The following PES1 variants were observed in gnomAD, a reference collection of about 807,000 sequenced individuals.
The protein encoded by PES1 is pescadillo ribosomal biogenesis factor 1.
Under a neutral mutation model 77.1 loss-of-function variants are expected in PES1, and 31 were observed. The ratio of observed to expected loss-of-function variants is 0.40; its 90% CI spans 0.30 to 0.54. PES1 has a LOEUF of 0.54. PES1 is among the 20% of genes least tolerant of loss of function. PES1 has a pLI of 0.45. For missense variants in PES1, 658 were observed against 771.7 expected (o/e 0.85, Z 1.75); for synonymous variants, 282 against 303.0 (o/e 0.93, Z 0.72).
intron 2 of PES1, among the ~76,000 whole-genome samples, chr22:30,598,032 C>G (rs908246073): frequency 6.6e-6 from 1 of 151,874 alleles, no homozygotes; most frequent in Admixed American, 6.6e-5. Context: ...TACAGGCGCC[C>G]GCCACTACGC....
intron 2 of PES1, among the ~76,000 whole-genome samples, chr22:30,604,933 A>G (rs1434572792): frequency 2.0e-5 from 3 of 152,136 alleles, no homozygotes; most frequent in African/African-American, 7.2e-5. Flanking sequence ...TGTTTTTCAC[A>G]TTCCCTGACC....
rs1053513560 is a variant in PES1, at chr22:30,588,649, C to T, written c.105-475G>A. ...AATACAAACATTAGCCAGGCACGGT[C>T]GCCAGCAACTGTAATCCTAGCTACT... On this transcript the variant is annotated intron_variant, in intron 2 of 14. Coordinates refer to ENST00000354694, the MANE Select transcript of PES1 (RefSeq NM_014303.4). Among the ~76,000 whole-genome samples the T allele has an allele frequency of 1.5e-4, 23 of 151,978 alleles. 4 individuals are homozygous for T. The highest frequency in any genetic ancestry group is 1.2e-3 in the Admixed American group (19 of 15,272).
chr22:30,580,687 C>T lies in PES1; in HGVS notation c.927G>A (p.Gln309=). Residue 309 remains glutamine (Q), a synonymous_variant, in exon 10 of 15, where the codon CAG becomes CAA. Transcript: ENST00000354694. ...EFPTDGEMSA[Q]EEDRRKELEA... ...CCAGCTCCTTCCTGCGGTCTTCCTC[C>T]TGCGCTGACATCTCCTGTTGAGAAA... The T allele has an allele frequency of 6.2e-7, 1 of 1,613,408 alleles. No individual in the cohort carries two copies. Among genetic ancestry groups the T allele is most frequent in the Non-Finnish European group, 8.5e-7 (1 of 1,180,022 alleles).
At chr22:30,598,311 C>A (rs1042305068) in intron 2 of PES1, 1 of 152,088 alleles carries the variant, frequency 6.6e-6, no homozygotes, top group African/African-American at 2.4e-5. Context: ...CCGGACATGC[C>A]GTCTTTAAGA....
chr22:30,604,469 C>G (rs2087406083), intron 2 of PES1, among the ~76,000 whole-genome samples: 1 of 151,876 alleles, frequency 6.6e-6, no homozygotes, highest in South Asian at 2.1e-4. Context: ...CCTGTCTCTA[C>G]TAAAAATACA....
At position 30,585,200 on chromosome 22, in the gene PES1, G is replaced by A. The variant is rs115002066; in HGVS notation, c.369-483C>T. The A allele has an allele frequency of 4.5e-3, 2,080 of 464,148 alleles. 27 individuals are homozygous for A. The highest frequency in any genetic ancestry group is 0.034 in the African/African-American group (1,714 of 50,042). 28.8% of individuals were successfully genotyped at this position (464,148 alleles called of 1,614,324 possible). On this transcript the variant is annotated intron_variant, in intron 4 of 14. Transcript: ENST00000354694. ...CTGGGCCTGGCCACCGGTCGCCAGCGTAGGTTATGTCTTCCATGCCTCTCA... is the reference window on the plus strand; with the variant it reads ...CTGGGCCTGGCCACCGGTCGCCAGCATAGGTTATGTCTTCCATGCCTCTCA...
upstream of PES1, among the ~76,000 whole-genome samples, chr22:30,595,895 G>A (rs916676905): frequency 4.6e-5 from 7 of 152,168 alleles, no homozygotes; most frequent in East Asian, 1.3e-3. Context: ...GGGTCACCTG[G>A]GTAAGGGAAG....
chr22:30,592,077 A>G (rs183358201), upstream of PES1: 16 of 1,344,580 alleles, frequency 1.2e-5, no homozygotes, highest in Non-Finnish European at 9.5e-7. Flanking sequence ...CACAATGGTT[A>G]CAAACACTTT....
intron 2 of PES1, among the ~76,000 whole-genome samples, chr22:30,598,879 AGT>A (rs1176983876): frequency 2.6e-5 from 2 of 78,116 alleles, no homozygotes; most frequent in Non-Finnish European, 5.4e-5. Context: ...ATGTGACTTA[AGT>A]AAAATTTTTT....
chr22:30,606,904 C>T, exon 1 of PES1: 1 of 1,061,916 alleles, frequency 9.4e-7, no homozygotes, highest in Non-Finnish European at 1.1e-6. Flanking sequence ...GGGTAGGCAC[C>T]CGGTCCTGCC....
chr22:30,603,243 T>TA (rs1990549947), intron 2 of PES1, among the ~76,000 whole-genome samples: 1 of 152,100 alleles, frequency 6.6e-6, no homozygotes, highest in Non-Finnish European at 1.5e-5. Context: ...ACAGGCCCCC[T>TA]AAAAGGTTCT....
At chr22:30,604,390 C>A (rs200492060) in intron 2 of PES1, among the ~76,000 whole-genome samples, 2 of 152,100 alleles carry the variant, frequency 1.3e-5, no homozygotes, top group East Asian at 3.9e-4. Context: ...CCCAATACTT[C>A]GGGAGGCTGA....
rs558280806 is a variant in PES1 at position 30,605,791 on chromosome 22, C to G, written c.-717-274G>C. Among the ~76,000 whole-genome samples, 8 of 152,322 alleles carry G rather than the reference C, an allele frequency of 5.3e-5. No individual in the cohort carries two copies. The East Asian group carries it at 1.3e-3, about 26-fold the overall frequency. Reference sequence around the variant, plus strand: ...TTTCAAGTAGTTCCGTAAACAGACACACGTTGCTGTATTTATTTATGTCAA... The same window carrying G: ...TTTCAAGTAGTTCCGTAAACAGACAGACGTTGCTGTATTTATTTATGTCAA... On this transcript the variant is annotated intron_variant, in intron 1 of 16. Transcript: ENST00000402281.
chr22:30,599,155 C>T (rs973985886), intron 2 of PES1, among the ~76,000 whole-genome samples: 5 of 151,892 alleles, frequency 3.3e-5, no homozygotes, highest in Non-Finnish European at 5.9e-5. Flanking sequence ...CCTCAGCATC[C>T]CAAAGTGCTG....
intron 2 of PES1, among the ~76,000 whole-genome samples, chr22:30,598,586 G>A (rs966403741): frequency 3.3e-5 from 5 of 152,016 alleles, no homozygotes; most frequent in Admixed American, 6.6e-5. Flanking sequence ...TTGCTACCAC[G>A]CCTGGCTCAT....
intron 1 of PES1, among the ~76,000 whole-genome samples, chr22:30,606,351 C>CTGTAA (rs2087442337): frequency 2.0e-5 from 3 of 152,086 alleles, no homozygotes; most frequent in African/African-American, 7.2e-5. Context: ...CTGCCTCAGC[C>CTGTAA]CCCCAAGTAG....
At position 30,584,510 on chromosome 22, in the gene PES1, C is replaced by A. The variant is rs372978664; in HGVS notation, c.540+36G>T. On this transcript the variant is annotated intron_variant, in intron 5 of 14. Coordinates refer to ENST00000354694, the MANE Select transcript of PES1 (RefSeq NM_014303.4). ...GACCATGGGGTGGCAGGAGAGGGGG[C>A]AGGGTGGGATGCCAGCCGGGCAGTC... The A allele has an allele frequency of 5.6e-6, 9 of 1,608,614 alleles. No homozygotes were observed. In the African/African-American group the frequency reaches 9.4e-5, roughly 17 times the overall value.
intron 2 of PES1, among the ~76,000 whole-genome samples, chr22:30,600,632 C>A (rs768264240): frequency 1.5e-4 from 23 of 151,944 alleles, no homozygotes; most frequent in Non-Finnish European, 3.1e-4. Flanking sequence ...CTGGCTAACA[C>A]GGTGAAACCC....
At chr22:30,587,982 G>A in intron 3 of PES1, 39 bp downstream of exon 3, 1 of 1,603,808 alleles carries the variant, frequency 6.2e-7, no homozygotes, top group South Asian at 1.1e-5. Flanking sequence ...TCACAGAGCT[G>A]CGATGAGAAC....
Sources: allele counts gnomAD v4.1 joint callset (sites outside exome capture counted in the v4.1 genomes callset), GRCh38; gene constraint gnomAD v4.1.1; transcripts MANE v1.5; gene names NCBI Gene and HGNC (gene_info 2026-07-23, HGNC 2026-07-21).